Variants in SMARCA2 observed in about 807,000 individuals in gnomAD.
SMARCA2 encodes SWI/SNF-related matrix-associated actin-dependent regulator of chromatin subfamily A member 2.
In SMARCA2, 61 loss-of-function variants were observed where a neutral mutation model predicts 199.8. The ratio of observed to expected loss-of-function variants is 0.31; its 90% CI spans 0.25 to 0.38. SMARCA2 has a LOEUF of 0.38. SMARCA2 is among the 10% of genes least tolerant of loss of function. The pLI, the probability that SMARCA2 is intolerant of heterozygous loss-of-function variation, is 1.00. For synonymous variants in SMARCA2, 935 were observed against 732.0 expected (o/e 1.28, Z -4.48); for missense variants, 1,344 against 2,012.2 (o/e 0.67, Z 6.35).
intron 9 of SMARCA2, 84 bp downstream of exon 9, chr9:2,061,070 A>G: frequency 1.6e-6 from 2 of 1,241,444 alleles, no homozygotes; most frequent in South Asian, 1.4e-5. Flanking sequence ...TTTAAGTACT[A>G]CTTCTTACAC....
At chr9:2,036,449 C>T (rs1819338783) in intron 3 of SMARCA2, among the ~76,000 whole-genome samples, 1 of 152,162 alleles carries the variant, frequency 6.6e-6, no homozygotes, top group Admixed American at 6.5e-5. Context: ...TATATTCACT[C>T]TCAGGCAATT....
intron 33 of SMARCA2, chr9:2,192,159 A>G (rs1827930588): frequency 5.7e-6 from 1 of 175,200 alleles, no homozygotes; most frequent in African/African-American, 2.4e-5. Context: ...TTGCCTTTTG[A>G]AATACCCTTC....
chr9:2,032,270 C>T (rs977048400), intron 2 of SMARCA2, among the ~76,000 whole-genome samples: 9 of 152,302 alleles, frequency 5.9e-5, no homozygotes, highest in East Asian at 1.9e-4. Flanking sequence ...GGATTAATGT[C>T]GATTCAATAG....
Position 2,056,862 on chromosome 9 carries a change from C to T in SMARCA2, c.1347+17C>T. ...AAACACCAGGTTCTTAGACCCTGGGCTTTGCTCACCCTCACTTTGGCAGAG... is the reference window on the plus strand; with the variant it reads ...AAACACCAGGTTCTTAGACCCTGGGTTTTGCTCACCCTCACTTTGGCAGAG... On this transcript the variant is annotated intron_variant, in intron 7 of 33. Coordinates refer to ENST00000349721, the MANE Select transcript of SMARCA2 (RefSeq NM_003070.5). The surrounding 1 kb of genome is among the most constrained non-coding windows in gnomAD (Gnocchi z 4.0). 6.5e-7 allele frequency: 1 copy of T among 1,541,374 alleles called. No individual in the cohort carries two copies. Among genetic ancestry groups the T allele is most frequent in the Non-Finnish European group, 8.8e-7 (1 of 1,133,134 alleles).
chr9:2,107,329 T>C (rs1822799655), intron 23 of SMARCA2, among the ~76,000 whole-genome samples: 1 of 152,130 alleles, frequency 6.6e-6, no homozygotes, highest in African/African-American at 2.4e-5. Context: ...TTAATTTAAT[T>C]TTATTTTATT....
chr9:2,061,118 A>C, intron 9 of SMARCA2, 132 bp downstream of exon 9: 1 of 840,414 alleles, frequency 1.2e-6, no homozygotes, highest in African/African-American at 1.7e-5. Flanking sequence ...TGAAAATTGC[A>C]TAAATGGGTA....
chr9:2,114,257 G>C (rs1823126554), intron 24 of SMARCA2, among the ~76,000 whole-genome samples: 1 of 152,166 alleles, frequency 6.6e-6, no homozygotes, highest in Non-Finnish European at 1.5e-5. Flanking sequence ...AATATAGATG[G>C]GTCCCAGCTG....
At chr9:2,149,923 A>G (rs1452537202) in intron 27 of SMARCA2, among the ~76,000 whole-genome samples, 1 of 151,640 alleles carries the variant, frequency 6.6e-6, no homozygotes, top group Non-Finnish European at 1.5e-5. Context: ...AACAGCATAC[A>G]GACTAGATCT....
chr9:2,110,193 T>G lies in SMARCA2; in HGVS notation c.3293-61T>G, dbSNP rs911143643. 5 of 1,392,458 alleles carry G rather than the reference T, an allele frequency of 3.6e-6. No individual in the cohort carries two copies. The Admixed American group carries it at 1.1e-4, about 30-fold the overall frequency. 86.3% of individuals were successfully genotyped at this position (1,392,458 alleles called of 1,614,324 possible). A position where few individuals can be genotyped will look rare whatever the true frequency, so the allele number is the denominator to read the frequency against. ...CTTGAAGGAAGCAAGCCTTTTTGTCTCATTCTGTGCCATTTTCAGACAAGA... is the reference window on the plus strand; with the variant it reads ...CTTGAAGGAAGCAAGCCTTTTTGTCGCATTCTGTGCCATTTTCAGACAAGA... On this transcript the variant is annotated intron_variant, in intron 23 of 33. Transcript: ENST00000349721. This position sits in a 1 kb window ranked among gnomAD's most constrained non-coding sequence, Gnocchi z 4.8.
At chr9:2,129,958 A>G (rs1823867353) in intron 27 of SMARCA2, among the ~76,000 whole-genome samples, 1 of 152,134 alleles carries the variant, frequency 6.6e-6, no homozygotes, top group Non-Finnish European at 1.5e-5. Context: ...GACTCAAGCA[A>G]TCCTCCTACC....
intron 1 of SMARCA2, among the ~76,000 whole-genome samples, chr9:2,021,355 G>T (rs183962844): frequency 7.0e-4 from 106 of 152,184 alleles, no homozygotes; most frequent in Non-Finnish European, 1.2e-3. Flanking sequence ...ACTTAAAAAT[G>T]ATAAAAATCT....
chr9:2,175,854 C>G (rs949866412), intron 29 of SMARCA2, among the ~76,000 whole-genome samples: 1 of 151,574 alleles, frequency 6.6e-6, no homozygotes, highest in Non-Finnish European at 1.5e-5. Context: ...AATTTGATAT[C>G]CTCTGTTTTT....
intron 27 of SMARCA2, chr9:2,160,636 T>TA (rs1825618508): frequency 1.4e-6 from 1 of 701,460 alleles, no homozygotes; most frequent in Admixed American, 2.0e-5. Context: ...GCCTTATGAT[T>TA]AGAGCTCTTT....
At chr9:2,155,368 C>T (rs964035330) in intron 27 of SMARCA2, among the ~76,000 whole-genome samples, 13 of 152,022 alleles carry the variant, frequency 8.6e-5, no homozygotes, top group African/African-American at 1.2e-4. Context: ...CTGCAGCCTC[C>T]GCCTCCCGGG....
chr9:2,125,176 G>A (rs1241534344), intron 27 of SMARCA2, among the ~76,000 whole-genome samples: 1 of 152,158 alleles, frequency 6.6e-6, no homozygotes, highest in Non-Finnish European at 1.5e-5. Context: ...CCTGAATTTT[G>A]AAAAGATGGG....
chr9:2,048,929 A>G (rs1819999655), intron 5 of SMARCA2, among the ~76,000 whole-genome samples: 1 of 152,234 alleles, frequency 6.6e-6, no homozygotes, highest in African/African-American at 2.4e-5. Flanking sequence ...TGAGTTTTTA[A>G]AAAGCTAAAA....
chr9:2,183,381 T>C (rs1235222318), intron 31 of SMARCA2, among the ~76,000 whole-genome samples: 1 of 152,244 alleles, frequency 6.6e-6, no homozygotes, highest in African/African-American at 2.4e-5. Flanking sequence ...TCTAAGAGTA[T>C]ATAAATGAAC....
chr9:2,023,171 G>T (rs1422279403), intron 1 of SMARCA2, among the ~76,000 whole-genome samples: 1 of 152,220 alleles, frequency 6.6e-6, no homozygotes, highest in Non-Finnish European at 1.5e-5. Context: ...ATCCTATTAA[G>T]GCAGTGTCTG....
chr9:2,170,488 G>C lies in SMARCA2; in HGVS notation c.4253+16G>C, dbSNP rs778794228. The C allele has an allele frequency of 4.3e-6, 7 of 1,614,020 alleles. No homozygotes were observed. Among genetic ancestry groups the C allele is most frequent in the Non-Finnish European group, 5.1e-6 (6 of 1,179,952 alleles). On this transcript the variant is annotated intron_variant, in intron 29 of 33. Transcript: ENST00000349721. This position sits in a 1 kb window ranked among gnomAD's most constrained non-coding sequence, Gnocchi z 4.7. ...AAGGAAACAGGTCAGGATCTGTCTT[G>C]TATTCCCCTATCTCTAAATACAGGT...
Sources: allele counts gnomAD v4.1 joint callset (sites outside exome capture counted in the v4.1 genomes callset), GRCh38; gene constraint gnomAD v4.1.1; non-coding constraint Gnocchi (gnomAD v3.1); transcripts MANE v1.5; gene names NCBI Gene and HGNC (gene_info 2026-07-23, HGNC 2026-07-21).